The following USP42 variants were observed in gnomAD, a reference collection of about 807,000 sequenced individuals.
The protein encoded by USP42 is ubiquitin specific peptidase 42, also known as ubiquitin carboxyl-terminal hydrolase 42.
In USP42, 23 loss-of-function variants were observed where a neutral mutation model predicts 113.0. That is an observed-to-expected ratio of 0.20 (90% CI 0.15 to 0.29). The LOEUF (loss-of-function observed/expected upper bound fraction) is 0.29. USP42 is among the 10% of genes least tolerant of loss of function. The pLI is 1.00. For synonymous variants in USP42, 933 were observed against 699.0 expected, an observed-to-expected ratio of 1.33 and a Z score of -5.28; for missense variants, 2,174 against 1,779.8, an observed-to-expected ratio of 1.22 and a Z score of -3.99.
At chr7:6,097,417 C>G in the USP42 span, among the ~76,000 whole-genome samples, 4 of 121,948 alleles carry the variant, frequency 3.3e-5, no homozygotes, top group Non-Finnish European at 6.3e-5. Flanking sequence ...TGGAGACAGG[C>G]TCATGCACTG....
chr7:6,160,287 A>G (rs1454619614), intron 17 of USP42, among the ~76,000 whole-genome samples: 1 of 152,226 alleles, frequency 6.6e-6, no homozygotes, highest in African/African-American at 2.4e-5. Context: ...TAAGGAGCTA[A>G]ACTTCCTGAG....
At chr7:6,147,480 C>T (rs1175421759) in intron 11 of USP42, among the ~76,000 whole-genome samples, 1 of 152,100 alleles carries the variant, frequency 6.6e-6, no homozygotes, top group Non-Finnish European at 1.5e-5. Context: ...AAAAGAAATA[C>T]CTTTCAGATG....
chr7:6,145,330 C>CAA (rs61495758), intron 9 of USP42, among the ~76,000 whole-genome samples, 186 bp from the exon 10 acceptor site: 20 of 132,118 alleles, frequency 1.5e-4, no homozygotes, highest in South Asian at 2.3e-4. Context: ...CACGCCATCT[C>CAA]AAAAAAAAAA....
the USP42 span, among the ~76,000 whole-genome samples, chr7:6,099,493 C>T: frequency 5.3e-5 from 8 of 150,110 alleles, no homozygotes; most frequent in South Asian, 2.1e-4. Context: ...GGATTACAGG[C>T]GTGAGCCACT....
chr7:6,160,597 T>C lies in USP42; in HGVS notation c.*79T>C, dbSNP rs185759664. 3 of 152,794 alleles carry C rather than the reference T, an allele frequency of 2.0e-5. No individual in the cohort carries two copies. In the East Asian group the frequency reaches 5.8e-4, roughly 29 times the overall value. The allele number at this position is 152,794 out of a possible 1,614,324, so 9.5% of individuals were successfully genotyped here. On this transcript the variant is annotated 3_prime_UTR_variant, in exon 18 of 18. Coordinates refer to ENST00000306177, the MANE Select transcript of USP42 (RefSeq NM_032172.3). ...GAAGCCATCCCCAGCCCAGCTTAAA[T>C]TATAAAGATAGACAATAACTCTGTT...
intron 3 of USP42, among the ~76,000 whole-genome samples, chr7:6,126,899 G>A (rs149453195): frequency 0.013 from 2,031 of 152,298 alleles, 29 homozygotes; most frequent in Middle Eastern, 0.061. Flanking sequence ...GACTGCAAAT[G>A]CTGGGTTATA....
the USP42 span, among the ~76,000 whole-genome samples, chr7:6,094,117 C>T: frequency 2.0e-5 from 3 of 150,610 alleles, no homozygotes; most frequent in African/African-American, 5.0e-5. Flanking sequence ...CTCCTGACCT[C>T]GTGATCCACC....
intron 1 of USP42, among the ~76,000 whole-genome samples, chr7:6,109,683 A>G (rs1483895269): frequency 6.8e-6 from 1 of 145,998 alleles, no homozygotes; most frequent in African/African-American, 2.5e-5. Flanking sequence ...GGTGTGAGCC[A>G]CTGCGCCCCG....
In USP42 at chr7:6,155,321, C is replaced by T; in HGVS notation, c.3641+126C>T. 2.9e-6 allele frequency: 4 copies of T among 1,388,536 alleles called. No homozygotes were observed. In the South Asian group the frequency reaches 7.0e-5, roughly 24 times the overall value. The allele number at this position is 1,388,536 out of a possible 1,614,324, so 86.0% of individuals were successfully genotyped here. A position where few individuals can be genotyped will look rare whatever the true frequency, so the allele number is the denominator to read the frequency against. On this transcript the variant is annotated intron_variant, in intron 15 of 17. Coordinates refer to ENST00000306177, the MANE Select transcript of USP42 (RefSeq NM_032172.3). ...ACAGTTGTATCCGTCTGATTTGTGT[C>T]TTTCATTTCTGTGGGTTTTGAGAGT...
At chr7:6,147,642 T>G in intron 11 of USP42, 97 bp from the exon 12 acceptor site, 1 of 1,398,716 alleles carries the variant, frequency 7.1e-7, no homozygotes, top group Non-Finnish European at 9.6e-7. Flanking sequence ...TTTCATCAGG[T>G]TTCCGCCTGA....
chr7:6,144,943 A>T (rs1457715561), intron 9 of USP42, among the ~76,000 whole-genome samples: 2 of 152,154 alleles, frequency 1.3e-5, no homozygotes, highest in Non-Finnish European at 1.5e-5. Flanking sequence ...AATTCACTTA[A>T]TATAGATCCT....
rs1216914679 is a variant in USP42 at position 6,154,322 on chromosome 7, G to C, written c.2768G>C (p.Arg923Thr). Residue 923 changes from arginine to threonine, a missense_variant, in exon 15 of 18, where the codon AGG (arginine) becomes ACG (threonine). Transcript: ENST00000306177. ...EGDAEPSPGE[R>T]VEDAAAPKAP... is the part of the protein sequence containing the mutation. Reference sequence around the variant, plus strand: ...GACGCTGAGCCTAGCCCCGGCGAGAGGGTCGAGGACGCCGCGGCGCCGAAA... The same window carrying C: ...GACGCTGAGCCTAGCCCCGGCGAGACGGTCGAGGACGCCGCGGCGCCGAAA... 2 of 1,577,080 alleles carry C rather than the reference G, an allele frequency of 1.3e-6. No homozygotes were observed. Among genetic ancestry groups the C allele is most frequent in the East Asian group, 4.7e-5 (2 of 42,540 alleles).
At chr7:6,146,073 A>C in intron 10 of USP42, 75 bp from the exon 11 acceptor site, 1 of 1,189,132 alleles carries the variant, frequency 8.4e-7, no homozygotes, top group Non-Finnish European at 1.2e-6. Flanking sequence ...AAAAAAAAGA[A>C]AGAAATATTT....
intron 1 of USP42, among the ~76,000 whole-genome samples, 174 bp downstream of exon 1, chr7:6,105,206 C>A (rs1054291458): frequency 6.9e-6 from 1 of 145,568 alleles, no homozygotes; most frequent in Admixed American, 6.8e-5. Flanking sequence ...CGGGACCCCG[C>A]CGCTCTGGGG....
Position 6,159,431 on chromosome 7 carries a change from C to G in USP42, c.3944-19C>G, listed in dbSNP as rs1782646949. ...TTGCAACCATCATTAAAATCTCTTT[C>G]CTGACCTTTGCTTTCTAGGTGATTG... On this transcript the variant is annotated intron_variant, in intron 16 of 17. Transcript: ENST00000306177. The surrounding 1 kb of genome is among the most constrained non-coding windows in gnomAD (Gnocchi z 4.1). The G allele has an allele frequency of 6.2e-7, 1 of 1,613,864 alleles. No individual in the cohort carries two copies. The highest frequency in any genetic ancestry group is 8.5e-7 in the Non-Finnish European group (1 of 1,179,896).
chr7:6,096,453 G>T, the USP42 span, among the ~76,000 whole-genome samples: 2 of 151,246 alleles, frequency 1.3e-5, 1 homozygote, highest in African/African-American at 4.9e-5. Context: ...CCAGCCCATA[G>T]GTTGCATGTG....
At chr7:6,114,478 A>G (rs375135245) in intron 2 of USP42, among the ~76,000 whole-genome samples, 2 of 151,650 alleles carry the variant, frequency 1.3e-5, no homozygotes, top group Admixed American at 6.6e-5. Context: ...TCTCAAATCC[A>G]ATACTTCATC....
chr7:6,091,714 C>CACACACACACACAG, the USP42 span, among the ~76,000 whole-genome samples: 5 of 148,692 alleles, frequency 3.4e-5, no homozygotes, highest in Non-Finnish European at 7.4e-5. Flanking sequence ...CACACACACA[C>CACACACACACACAG]ATATATATGT....
chr7:6,102,875 A>T (rs1360011748), upstream of USP42, among the ~76,000 whole-genome samples: 1 of 151,128 alleles, frequency 6.6e-6, no homozygotes, highest in East Asian at 1.9e-4. Context: ...AGACCACCCA[A>T]GCCACTGTAG....
Sources: allele counts gnomAD v4.1 joint callset (sites outside exome capture counted in the v4.1 genomes callset), GRCh38; gene constraint gnomAD v4.1.1; non-coding constraint Gnocchi (gnomAD v3.1); transcripts MANE v1.5; gene names NCBI Gene and HGNC (gene_info 2026-07-23, HGNC 2026-07-21).